The following EPG5 variants were observed in gnomAD, a reference collection of about 807,000 sequenced individuals.
EPG5 encodes ectopic P-granules 5 autophagy tethering factor.
In EPG5, 159 loss-of-function variants were observed where a neutral mutation model predicts 302.7. The observed-to-expected ratio is 0.53, with a 90% CI of 0.46 to 0.60. The LOEUF (loss-of-function observed/expected upper bound fraction) is 0.60, where lower values mean the gene tolerates loss of function less well. EPG5 is among the 20% of genes least tolerant of loss of function. The pLI is 0.00. For missense variants in EPG5, 2,896 were observed against 3,092.4 expected (o/e 0.94, Z 1.51); for synonymous variants, 1,158 against 1,136.8 (o/e 1.02, Z -0.37).
chr18:45,903,934 A>G, intron 25 of EPG5, 39 bp downstream of exon 25: 1 of 1,574,370 alleles, frequency 6.4e-7, no homozygotes, highest in Non-Finnish European at 8.6e-7. Flanking sequence ...TCAATCATTC[A>G]TTCACTCATT....
intron 15 of EPG5, 70 bp from the exon 16 acceptor site, chr18:45,922,670 C>A: frequency 6.5e-7 from 1 of 1,548,614 alleles, no homozygotes; most frequent in Non-Finnish European, 8.8e-7. Context: ...ATACACTCAT[C>A]TCCTTTTGTG....
At chr18:45,879,277 A>G (rs2049040124) in intron 32 of EPG5, 63 bp from the exon 33 acceptor site, 3 of 1,196,328 alleles carry the variant, frequency 2.5e-6, no homozygotes, top group Non-Finnish European at 3.6e-6. Context: ...GTGTTATGAT[A>G]CACTGTGATG....
chr18:45,887,624 G>C (rs1173711420), intron 29 of EPG5, 127 bp downstream of exon 29: 2 of 714,198 alleles, frequency 2.8e-6, no homozygotes, highest in Non-Finnish European at 4.1e-6. Context: ...ACTCCAAGAG[G>C]CTTCTGACTT....
intron 24 of EPG5, among the ~76,000 whole-genome samples, chr18:45,905,745 A>G (rs967137): frequency 0.47 from 71,059 of 152,066 alleles, 17,677 homozygotes; most frequent in East Asian, 0.58. Flanking sequence ...AAAAAGAGAG[A>G]GAAAGCAAGC....
At chr18:45,878,958 T>C (rs1209948541) in intron 33 of EPG5, 55 bp downstream of exon 33, 6 of 1,403,158 alleles carry the variant, frequency 4.3e-6, no homozygotes, top group Non-Finnish European at 6.0e-6. Context: ...TATTTAAATC[T>C]CTCTTAATGG....
the EPG5 span, among the ~76,000 whole-genome samples, chr18:45,822,697 CA>C: frequency 6.6e-6 from 1 of 151,926 alleles, no homozygotes; most frequent in African/African-American, 2.4e-5. Context: ...TGCTTTTAAT[CA>C]AAAACAATTA....
chr18:45,852,640 C>T lies in EPG5; in HGVS notation c.7567G>A (p.Ala2523Thr). 3.1e-6 allele frequency: 5 copies of T among 1,613,844 alleles called. No homozygotes were observed. The highest frequency in any genetic ancestry group is 4.2e-6 in the Non-Finnish European group (5 of 1,179,890). ...LTPKAQQALN[A>T]LESMASSKQY... is the part of the protein sequence containing the mutation. ...TTACTTGATGCCATGGATTCAAGAG[C>T]ATTCAGAGCCTAAAAGACACGGAAG... Residue 2523 changes from alanine to threonine, a missense_variant, in exon 44 of 44, where the codon GCT (alanine) becomes ACT (threonine). Physicochemically the swap from Ala to Thr is moderately conservative, Grantham distance 58. Around this residue, in one of 5 missense-constraint regions of EPG5, gnomAD observed 620 missense variants for 704.2 expected, o/e 0.88. Coordinates refer to ENST00000282041, the MANE Select transcript of EPG5 (RefSeq NM_020964.3).
At chr18:45,857,797 G>A (rs1383790898) in intron 42 of EPG5, 56 bp downstream of exon 42, 12 of 1,425,740 alleles carry the variant, frequency 8.4e-6, no homozygotes, top group Admixed American at 1.7e-5. Flanking sequence ...CCTGTAAGTA[G>A]GTACAGATGT....
rs2048854688 is a variant in EPG5 at position 45,870,741 on chromosome 18, A to G, written c.6051T>C (p.Asp2017=). The G allele has an allele frequency of 6.3e-7, 1 of 1,585,744 alleles. No individual in the cohort carries two copies. The highest frequency in any genetic ancestry group is 1.4e-5 in the African/African-American group (1 of 74,052). The change falls in exon 36 of 44, where the codon GAT becomes GAC. Residue 2017 remains aspartate (D), a splice_region_variant and synonymous_variant. Transcript: ENST00000282041. ...CTCCTGCATCACCTGGCAACAGCTT[A>G]TCTAGAATGTGAAAAGAAAATAGAG... ...CIDSLHESFK[D]KLLPGDAGAL... is the part of the protein sequence containing the mutation.
Position 45,952,625 on chromosome 18 carries a change from C to T in EPG5, c.1027G>A (p.Val343Met). ...MSVQGICADQ[V>M]KVFSYHRYQR... ...TAGCGATGATAGCTGAAAACTTTCA[C>T]TTGATCTGCACAGATACCCTACCAG... The change falls in exon 3 of 44, where the codon GTG becomes ATG. Residue 343 changes from valine to methionine, a missense_variant. Around this residue, in one of 5 missense-constraint regions of EPG5, gnomAD observed 1,390 missense variants for 1,430.0 expected, o/e 0.97. Coordinates refer to ENST00000282041, the MANE Select transcript of EPG5 (RefSeq NM_020964.3). 6.2e-7 allele frequency: 1 copy of T among 1,614,148 alleles called. No individual in the cohort carries two copies. The highest frequency in any genetic ancestry group is 8.5e-7 in the Non-Finnish European group (1 of 1,180,018).
intron 4 of EPG5, among the ~76,000 whole-genome samples, chr18:45,950,797 A>G (rs959300548): frequency 2.6e-5 from 4 of 152,204 alleles, no homozygotes; most frequent in Admixed American, 2.6e-4. Flanking sequence ...CTCAACCTGT[A>G]CCTATATTCT....
chr18:45,852,697 T>C (rs1406000263), intron 43 of EPG5, 48 bp from the exon 44 acceptor site: 1 of 1,518,864 alleles, frequency 6.6e-7, no homozygotes, highest in Non-Finnish European at 9.1e-7. Flanking sequence ...AGGCACATAA[T>C]GTGACTGCCA....
chr18:45,932,448 A>G (rs1226545665), intron 11 of EPG5, among the ~76,000 whole-genome samples: 1 of 152,220 alleles, frequency 6.6e-6, no homozygotes, highest in African/African-American at 2.4e-5. Context: ...AAAATGTTAA[A>G]ACTAGTTAAA....
chr18:45,810,422 T>C, the EPG5 span, among the ~76,000 whole-genome samples: 2 of 152,036 alleles, frequency 1.3e-5, no homozygotes, highest in Admixed American at 1.3e-4. Context: ...AAAAGAAAAC[T>C]ACAGACCAAT....
rs1220567503 is a variant in EPG5, at chr18:45,851,070, A to G, written c.*1397T>C. On this transcript the variant is annotated 3_prime_UTR_variant, in exon 44 of 44. Transcript: ENST00000282041. ...CAAGTAAAGAAATTCAAAGTAAAGAAAAGCTCCTACCAACTTCCCAATTTT... is the reference window on the plus strand; with the variant it reads ...CAAGTAAAGAAATTCAAAGTAAAGAGAAGCTCCTACCAACTTCCCAATTTT... 6 of 152,262 alleles carry G rather than the reference A, an allele frequency of 3.9e-5. No individual in the cohort carries two copies. The allele number at this position is 152,262 out of a possible 1,614,324, so 9.4% of individuals were successfully genotyped here. A position where few individuals can be genotyped will look rare whatever the true frequency, so the allele number is the denominator to read the frequency against.
chr18:45,913,010 C>T (rs984361126), intron 21 of EPG5, among the ~76,000 whole-genome samples: 1 of 151,638 alleles, frequency 6.6e-6, no homozygotes, highest in Admixed American at 6.6e-5. Flanking sequence ...ATTGCTTGAA[C>T]CCGGAAGGTG....
the EPG5 span, among the ~76,000 whole-genome samples, chr18:45,833,035 TG>T: frequency 2.8e-4 from 43 of 152,296 alleles, no homozygotes; most frequent in South Asian, 6.4e-3. Context: ...GTTCCCATTC[TG>T]CTCCTAGAGC....
At position 45,945,794 on chromosome 18, in the gene EPG5, A is replaced by ACCAC. The variant is rs2050774748; in HGVS notation, c.1677+865_1677+868dup. On this transcript the variant is annotated intron_variant, in intron 7 of 43. Coordinates refer to ENST00000282041, the MANE Select transcript of EPG5 (RefSeq NM_020964.3). ...AAATGCCTGCACATCCACGTCATTT[A>ACCAC]CCACCACCTGACCACCTCCTCCTGC... is the stretch of plus-strand genomic sequence containing the variant. Among the ~76,000 whole-genome samples, 3 of 151,998 alleles carry ACCAC rather than the reference A, an allele frequency of 2.0e-5. No individual in the cohort carries two copies. The South Asian group carries it at 6.3e-4, about 32-fold the overall frequency.
chr18:45,841,829 C>G, the EPG5 span, among the ~76,000 whole-genome samples: 1 of 152,128 alleles, frequency 6.6e-6, no homozygotes, highest in East Asian at 1.9e-4. Flanking sequence ...GAGGCCAGGC[C>G]GGAGATTCCG....
Sources: allele counts gnomAD v4.1 joint callset (sites outside exome capture counted in the v4.1 genomes callset), GRCh38; gene constraint gnomAD v4.1.1; regional missense constraint gnomAD v4.1.1; transcripts MANE v1.5; gene names NCBI Gene and HGNC (gene_info 2026-07-23, HGNC 2026-07-21).